CEP128: variants seen among roughly 807,000 people sequenced by gnomAD.
The protein encoded by CEP128 is centrosomal protein 128kDa.
CEP128 carries 132 observed loss-of-function variants against 156.7 expected under a neutral mutation model. The observed-to-expected ratio is 0.84, with a 90% CI of 0.73 to 0.97. The LOEUF is 0.97. Among genes scored for constraint, CEP128 ranks in the 50% least tolerant of loss-of-function variants. The probability of loss-of-function intolerance (pLI) is 0.00; values close to 1 mark genes in which losing one functional copy is unlikely to be tolerated. For synonymous variants in CEP128, 469 were observed against 448.9 expected, an observed-to-expected ratio of 1.04 and a Z score of -0.57; for missense variants, 1,252 against 1,281.9, an observed-to-expected ratio of 0.98 and a Z score of 0.36.
At chr14:80,557,090 C>G (rs1164793803) in intron 21 of CEP128, among the ~76,000 whole-genome samples, 1 of 152,046 alleles carries the variant, frequency 6.6e-6, no homozygotes, top group East Asian at 1.9e-4. Flanking sequence ...TTTTATTTTT[C>G]CCATGGTGAC....
chr14:80,720,874 A>G (rs560091760), intron 19 of CEP128, among the ~76,000 whole-genome samples: 1 of 152,326 alleles, frequency 6.6e-6, no homozygotes, highest in East Asian at 1.9e-4. Flanking sequence ...ATTTAAGAAT[A>G]AACTCTAAAT....
At chr14:80,569,785 A>G (rs769911133) in intron 20 of CEP128, among the ~76,000 whole-genome samples, 26 of 152,202 alleles carry the variant, frequency 1.7e-4, no homozygotes, top group Non-Finnish European at 3.1e-4. Context: ...GTTGAAACCA[A>G]TCAAAGCAAG....
chr14:80,845,094 T>C (rs1488289446), intron 9 of CEP128, among the ~76,000 whole-genome samples: 2 of 152,152 alleles, frequency 1.3e-5, no homozygotes, highest in African/African-American at 2.4e-5. Flanking sequence ...TTCAATACCA[T>C]GACTACAAAA....
chr14:80,897,609 A>G (rs975506168), intron 7 of CEP128, among the ~76,000 whole-genome samples: 4 of 123,126 alleles, frequency 3.2e-5, no homozygotes, highest in Admixed American at 1.9e-4. Flanking sequence ...AAAATCTTAG[A>G]GTCATCCTTA....
At chr14:80,546,892 A>G (rs1313563966) in intron 21 of CEP128, among the ~76,000 whole-genome samples, 1 of 152,208 alleles carries the variant, frequency 6.6e-6, no homozygotes, top group East Asian at 1.9e-4. Context: ...GGGGCATATG[A>G]TAGGATGAAA....
chr14:80,580,851 C>T (rs764756122), intron 19 of CEP128, among the ~76,000 whole-genome samples: 1 of 152,084 alleles, frequency 6.6e-6, no homozygotes, highest in Non-Finnish European at 1.5e-5. Context: ...GCTCCCAAGC[C>T]AAGTTCCACC....
intron 13 of CEP128, among the ~76,000 whole-genome samples, chr14:80,799,869 G>C (rs1011684183): frequency 6.6e-6 from 1 of 152,126 alleles, no homozygotes; most frequent in African/African-American, 2.4e-5. Context: ...GCTGAACATA[G>C]ACCCTTATCA....
chr14:80,666,801 G>A (rs770511602), intron 19 of CEP128, among the ~76,000 whole-genome samples: 7 of 150,258 alleles, frequency 4.7e-5, no homozygotes, highest in Non-Finnish European at 8.9e-5. Context: ...AGGGTAAGAG[G>A]GATAGAAAGT....
At chr14:80,747,377 C>T (rs1026540792) in intron 18 of CEP128, among the ~76,000 whole-genome samples, 2 of 152,088 alleles carry the variant, frequency 1.3e-5, no homozygotes, top group African/African-American at 4.8e-5. Context: ...TGGAGTATAT[C>T]CAAACGATGA....
chr14:80,946,201 A>G (rs1271058164), upstream of CEP128, among the ~76,000 whole-genome samples: 2 of 152,194 alleles, frequency 1.3e-5, no homozygotes, highest in Non-Finnish European at 2.9e-5. Flanking sequence ...AGCTGACATT[A>G]TATGTAGGCT....
intron 19 of CEP128, among the ~76,000 whole-genome samples, chr14:80,681,962 G>A (rs891614249): frequency 5.9e-5 from 9 of 152,012 alleles, no homozygotes; most frequent in African/African-American, 1.7e-4. Flanking sequence ...ACAAAAATAA[G>A]CCAGGCAGGG....
intron 19 of CEP128, among the ~76,000 whole-genome samples, chr14:80,619,824 G>A (rs185606713): frequency 2.6e-5 from 4 of 152,138 alleles, no homozygotes; most frequent in Admixed American, 2.6e-4. Context: ...TGAGGCATAG[G>A]TGGAGAAAAG....
At chr14:80,681,125 C>T (rs1185320163) in intron 19 of CEP128, among the ~76,000 whole-genome samples, 2 of 152,020 alleles carry the variant, frequency 1.3e-5, no homozygotes, top group East Asian at 1.9e-4. Context: ...AAAAGAAGTA[C>T]ACGGTACTAT....
At chr14:80,680,827 G>A (rs1896291392) in intron 19 of CEP128, among the ~76,000 whole-genome samples, 1 of 152,134 alleles carries the variant, frequency 6.6e-6, no homozygotes, top group Admixed American at 6.5e-5. Flanking sequence ...ACTGGTGCTT[G>A]TGTTTACCAT....
At chr14:80,754,321 C>G (rs528350528) in intron 18 of CEP128, among the ~76,000 whole-genome samples, 1 of 152,166 alleles carries the variant, frequency 6.6e-6, no homozygotes, top group Non-Finnish European at 1.5e-5. Flanking sequence ...TTGCTCTTTA[C>G]CTGGATGGTT....
chr14:80,823,709 C>A (rs566269706), intron 13 of CEP128, among the ~76,000 whole-genome samples: 1 of 152,218 alleles, frequency 6.6e-6, no homozygotes, highest in African/African-American at 2.4e-5. Flanking sequence ...ACAGCTTCCA[C>A]CCCTGTGGCT....
chr14:80,838,560 C>A (rs1303107474), intron 10 of CEP128, among the ~76,000 whole-genome samples: 1 of 152,058 alleles, frequency 6.6e-6, no homozygotes, highest in East Asian at 1.9e-4. Flanking sequence ...CCTCTGGCCT[C>A]CATTCTATCA....
chr14:80,547,543 T>G (rs1304319013), intron 21 of CEP128, among the ~76,000 whole-genome samples: 1 of 152,172 alleles, frequency 6.6e-6, no homozygotes, highest in Non-Finnish European at 1.5e-5. Flanking sequence ...GTGAGGGGTA[T>G]TGACAAGGAT....
chr14:80,624,667 A>G (rs1270905266), intron 19 of CEP128, among the ~76,000 whole-genome samples: 2 of 151,994 alleles, frequency 1.3e-5, no homozygotes, highest in African/African-American at 4.8e-5. Flanking sequence ...CATTTCTCTG[A>G]TGATTGGTGA....
Sources: allele counts gnomAD v4.1 joint callset (sites outside exome capture counted in the v4.1 genomes callset), GRCh38; gene constraint gnomAD v4.1.1; transcripts MANE v1.5; gene names NCBI Gene and HGNC (gene_info 2026-07-23, HGNC 2026-07-21).